The following LRCH1 variants were observed in gnomAD, a reference collection of about 807,000 sequenced individuals.
The protein encoded by LRCH1 is leucine-rich repeat and calponin homology domain-containing protein 1.
Under a neutral mutation model 94.9 loss-of-function variants are expected in LRCH1, and 23 were observed. The ratio of observed to expected loss-of-function variants is 0.24; its 90% CI spans 0.17 to 0.34. LRCH1 has a LOEUF of 0.34. LRCH1 is among the 10% of genes least tolerant of loss of function. The pLI is 1.00. For synonymous variants in LRCH1, 364 were observed against 354.9 expected, an observed-to-expected ratio of 1.03 and a Z score of -0.29; for missense variants, 790 against 945.9, an observed-to-expected ratio of 0.84 and a Z score of 2.16.
intron 10 of LRCH1, among the ~76,000 whole-genome samples, chr13:46,700,485 G>C (rs1566235977): frequency 6.6e-6 from 1 of 152,048 alleles, no homozygotes; most frequent in Non-Finnish European, 1.5e-5. Context: ...AGAGGCACTT[G>C]TTTTTAAACT....
chr13:46,628,795 A>C (rs2050983120), intron 1 of LRCH1, among the ~76,000 whole-genome samples: 1 of 151,854 alleles, frequency 6.6e-6, no homozygotes, highest in South Asian at 2.1e-4. Flanking sequence ...TGTTACTTGG[A>C]GATATAAAAC....
chr13:46,614,811 C>T (rs375176729), intron 1 of LRCH1, among the ~76,000 whole-genome samples: 2 of 152,060 alleles, frequency 1.3e-5, no homozygotes, highest in East Asian at 1.9e-4. Flanking sequence ...TTGTATATCA[C>T]GGTGCAGTAT....
rs781422476 is a variant in LRCH1 at position 46,723,207 on chromosome 13, C to G, written c.1760-14C>G. 6.6e-7 allele frequency: 1 copy of G among 1,519,054 alleles called. No homozygotes were observed. The highest frequency in any genetic ancestry group is 9.1e-7 in the Non-Finnish European group (1 of 1,102,300). 94.1% of individuals were successfully genotyped at this position (1,519,054 alleles called of 1,614,324 possible). On this transcript the variant is annotated splice_polypyrimidine_tract_variant and intron_variant, in intron 16 of 19. Coordinates refer to ENST00000389797, the MANE Select transcript of LRCH1 (RefSeq NM_001164211.2). ...GGCACTATATAAAGGCTTTTTTTCC[C>G]CTTTGTATTGTAGTGTTTCTAAGAC...
At chr13:46,648,402 A>G (rs923237404) in intron 1 of LRCH1, among the ~76,000 whole-genome samples, 1 of 152,154 alleles carries the variant, frequency 6.6e-6, no homozygotes, top group Non-Finnish European at 1.5e-5. Flanking sequence ...TTCCATATGT[A>G]TGTCTCTTGA....
chr13:46,653,908 T>C (rs1156231455), intron 2 of LRCH1, among the ~76,000 whole-genome samples: 3 of 152,212 alleles, frequency 2.0e-5, no homozygotes, highest in Non-Finnish European at 2.9e-5. Context: ...CCTCTTGTGT[T>C]ATTCAATTAC....
At chr13:46,751,118 A>C (rs942376389) in exon 19 of LRCH1, 1 of 152,182 alleles carries the variant, frequency 6.6e-6, no homozygotes, top group Non-Finnish European at 1.5e-5. Flanking sequence ...TATTTTCGAC[A>C]TACAAAATAT....
chr13:46,618,670 G>A (rs2050841560), intron 1 of LRCH1, among the ~76,000 whole-genome samples: 1 of 152,188 alleles, frequency 6.6e-6, no homozygotes, highest in Admixed American at 6.5e-5. Context: ...CTCTCAATGG[G>A]CATTTCTTTA....
rs1337056329 is a variant in LRCH1 at position 46,601,045 on chromosome 13, C to A, written c.307+47342C>A. 5.3e-5 allele frequency among the ~76,000 whole-genome samples: 8 copies of A among 152,216 alleles called. 1 individual carries two copies. The highest frequency in any genetic ancestry group is 5.2e-4 in the Admixed American group (8 of 15,276). ...AATCAGATCTATACTTTGGGGAACT[C>A]AGCAGTATGGGAATCACAAGCCAAC... is the stretch of plus-strand genomic sequence containing the variant. On this transcript the variant is annotated intron_variant, in intron 1 of 19. Coordinates refer to ENST00000389797, the MANE Select transcript of LRCH1 (RefSeq NM_001164211.2).
chr13:46,558,483 C>T (rs2050090884), intron 1 of LRCH1, among the ~76,000 whole-genome samples: 1 of 148,404 alleles, frequency 6.7e-6, no homozygotes, highest in Non-Finnish European at 1.5e-5. Flanking sequence ...CACCTGTAAT[C>T]CCAGCATTTT....
chr13:46,677,560 A>G (rs966343493), intron 3 of LRCH1, among the ~76,000 whole-genome samples: 2 of 152,218 alleles, frequency 1.3e-5, no homozygotes, highest in Non-Finnish European at 1.5e-5. Flanking sequence ...TGCATTCTGA[A>G]GGTCAGTTAG....
Position 46,750,436 on chromosome 13 carries a change from A to G in LRCH1, c.1981-104A>G. On this transcript the variant is annotated intron_variant, in intron 18 of 18. Transcript: ENST00000311191. Reference sequence around the variant, plus strand: ...TTGGTGTAGGTGATCAAACAGGCATACTAGAGTATTCAACCTAACTTTGAT... The same window carrying G: ...TTGGTGTAGGTGATCAAACAGGCATGCTAGAGTATTCAACCTAACTTTGAT... The G allele has an allele frequency of 6.5e-6, 5 of 766,434 alleles. No individual in the cohort carries two copies. In the South Asian group the frequency reaches 6.7e-5, roughly 10 times the overall value. The allele number at this position is 766,434 out of a possible 1,614,324, so 47.5% of individuals were successfully genotyped here.
At chr13:46,699,524 A>G (rs1306506996) in intron 10 of LRCH1, 121 bp downstream of exon 10, 3 of 837,928 alleles carry the variant, frequency 3.6e-6, no homozygotes, top group African/African-American at 1.7e-5. Flanking sequence ...ATATTCTTAC[A>G]GACAATATTG....
chr13:46,692,966 C>CTT (rs556715797), intron 8 of LRCH1, among the ~76,000 whole-genome samples: 59 of 128,170 alleles, frequency 4.6e-4, no homozygotes, highest in East Asian at 2.9e-3. Context: ...AGATAAAATT[C>CTT]TTTTTTTTTT....
At chr13:46,625,174 A>C (rs1249931361) in intron 1 of LRCH1, among the ~76,000 whole-genome samples, 1 of 152,208 alleles carries the variant, frequency 6.6e-6, no homozygotes, top group Admixed American at 6.5e-5. Flanking sequence ...GGGTAGCTTA[A>C]GTGTTTACTT....
chr13:46,648,882 C>T (rs1316066558), intron 1 of LRCH1, among the ~76,000 whole-genome samples: 2 of 152,042 alleles, frequency 1.3e-5, no homozygotes, highest in Admixed American at 1.3e-4. Flanking sequence ...TACCAAATGC[C>T]TTTTACATAT....
chr13:46,567,093 T>C (rs543819167), intron 1 of LRCH1, among the ~76,000 whole-genome samples: 9 of 151,600 alleles, frequency 5.9e-5, no homozygotes, highest in African/African-American at 2.2e-4. Flanking sequence ...TTTACTGATA[T>C]TTTCTATAAA....
At chr13:46,667,694 AAAAAT>A (rs1310513859) in intron 2 of LRCH1, among the ~76,000 whole-genome samples, 1 of 152,182 alleles carries the variant, frequency 6.6e-6, no homozygotes, top group Non-Finnish European at 1.5e-5. Flanking sequence ...ATAAAAAATA[AAAAAT>A]AAAGAATTTT....
chr13:46,615,933 C>T (rs952258078), intron 1 of LRCH1, among the ~76,000 whole-genome samples: 1 of 151,378 alleles, frequency 6.6e-6, no homozygotes, highest in Non-Finnish European at 1.5e-5. Context: ...ACTGCCTTTC[C>T]TCTCTGTTTG....
intron 1 of LRCH1, among the ~76,000 whole-genome samples, chr13:46,618,912 G>A (rs966548982): frequency 2.0e-5 from 3 of 152,082 alleles, no homozygotes; most frequent in Non-Finnish European, 4.4e-5. Context: ...GTTTGTTTTG[G>A]GAAAGCAGTG....
Sources: allele counts gnomAD v4.1 joint callset (sites outside exome capture counted in the v4.1 genomes callset), GRCh38; gene constraint gnomAD v4.1.1; transcripts MANE v1.5; gene names NCBI Gene and HGNC (gene_info 2026-07-23, HGNC 2026-07-21).